RYR3: variants seen among roughly 807,000 people sequenced by gnomAD.
RYR3 encodes the protein brain ryanodine receptor-calcium release channel.
A neutral mutation model predicts 584.3 loss-of-function variants in RYR3; 207 were observed. That is an observed-to-expected ratio of 0.35 (90% CI 0.32 to 0.40). RYR3 has a LOEUF of 0.40. Among genes scored for constraint, RYR3 ranks in the 10% least tolerant of loss-of-function variants. The pLI is 1.00. For synonymous variants in RYR3, 2,416 were observed against 2,248.5 expected (o/e 1.07, Z -2.11); for missense variants, 5,616 against 6,089.2 (o/e 0.92, Z 2.59).
At chr15:33,652,048 A>G (rs1315422340) in intron 31 of RYR3, among the ~76,000 whole-genome samples, 3 of 152,160 alleles carry the variant, frequency 2.0e-5, no homozygotes, top group Non-Finnish European at 1.5e-5. Context: ...AAGTGTAAAT[A>G]CCTGTCATGG....
intron 1 of RYR3, among the ~76,000 whole-genome samples, chr15:33,358,746 T>C (rs1019757570): frequency 2.6e-5 from 4 of 151,974 alleles, no homozygotes; most frequent in Non-Finnish European, 5.9e-5. Context: ...GCCTTAGCGG[T>C]AGTTAAATTT....
chr15:33,407,167 A>G (rs1405063381), intron 1 of RYR3, among the ~76,000 whole-genome samples: 1 of 152,236 alleles, frequency 6.6e-6, no homozygotes, highest in African/African-American at 2.4e-5. Context: ...TAATCCATTC[A>G]TGAGGGCTTT....
intron 49 of RYR3, among the ~76,000 whole-genome samples, chr15:33,737,842 G>GA (rs1279915076): frequency 7.9e-5 from 12 of 152,118 alleles, no homozygotes; most frequent in African/African-American, 2.4e-4. Context: ...GGAGGACATG[G>GA]ATCACACCTG....
In RYR3 at chr15:33,864,131, G is replaced by A. The variant is rs180882042; in HGVS notation, c.14466-7G>A. 4.6e-5 allele frequency: 74 copies of A among 1,608,416 alleles called. No individual in the cohort carries two copies. The highest frequency in any genetic ancestry group is 3.5e-4 in the African/African-American group (26 of 74,942). On this transcript the variant is annotated splice_region_variant and splice_polypyrimidine_tract_variant and intron_variant, in intron 102 of 103. Coordinates refer to ENST00000634891, the MANE Select transcript of RYR3 (RefSeq NM_001036.6). ...GAGTATCTAATACTATCTTTTCCTC[G>A]TTCCAGGTTCTTTCTGATGTATTTG...
chr15:33,728,904 C>G lies in RYR3; in HGVS notation c.7081C>G (p.His2361Asp). The G allele has an allele frequency of 6.2e-7, 1 of 1,613,580 alleles. No homozygotes were observed. The highest frequency in any genetic ancestry group is 8.5e-7 in the Non-Finnish European group (1 of 1,179,724). ...TATGGCGGCCAATTTCTGCCCTGAC[C>G]ACAAGGCACCTATGGTGCTGTTCTT... ...PDMAANFCPD[H>D]KAPMVLFLDR... The change falls in exon 47 of 104, where the codon CAC becomes GAC. Residue 2361 changes from histidine to aspartate, a missense_variant. By Grantham distance (81) the His-to-Asp change is moderately conservative (BLOSUM62 -1). This residue lies in a region of RYR3 where 1,280 missense variants were observed against 1,426.2 expected (regional missense o/e 0.90). Transcript: ENST00000634891.
chr15:33,680,515 T>C (rs1307094149), intron 38 of RYR3, among the ~76,000 whole-genome samples: 4 of 152,144 alleles, frequency 2.6e-5, no homozygotes, highest in Non-Finnish European at 5.9e-5. Context: ...ATCCGTGCAC[T>C]ACAGTGTCCA....
In RYR3 at chr15:33,725,993, A is replaced by AAGC. The variant is rs1555427714; in HGVS notation, c.6913-392_6913-391insGCA. On this transcript the variant is annotated intron_variant, in intron 45 of 103. Transcript: ENST00000634891. Reference sequence around the variant, plus strand: ...CCCCCCCCCAAAAAAAAAAAAAAAAAAAAACAGAATTCTAGAGTCTGGCAT... The same window carrying AAGC: ...CCCCCCCCCAAAAAAAAAAAAAAAAAAGCAAAACAGAATTCTAGAGTCTGGCAT... Among the ~76,000 whole-genome samples the AAGC allele has an allele frequency of 2.5e-5, 2 of 79,034 alleles. 1 individual carries two copies. The highest frequency in any genetic ancestry group is 5.4e-5 in the Non-Finnish European group (2 of 36,704). 51.8% of individuals were successfully genotyped at this position (79,034 alleles called of 152,430 possible).
chr15:33,768,956 C>A (rs1331035754), intron 61 of RYR3, among the ~76,000 whole-genome samples, 156 bp from the exon 62 acceptor site: 1 of 152,140 alleles, frequency 6.6e-6, no homozygotes, highest in African/African-American at 2.4e-5. Context: ...CTGTGTCAGG[C>A]TAGAAATTAA....
intron 57 of RYR3, among the ~76,000 whole-genome samples, chr15:33,753,522 G>A (rs893978196): frequency 1.4e-4 from 22 of 152,168 alleles, no homozygotes; most frequent in African/African-American, 5.1e-4. Context: ...TGCTTGCTGA[G>A]TTCTTTGTCA....
chr15:33,336,025 C>G (rs1464984645), intron 1 of RYR3, among the ~76,000 whole-genome samples: 1 of 152,134 alleles, frequency 6.6e-6, no homozygotes, highest in African/African-American at 2.4e-5. Flanking sequence ...AAGCCAAATT[C>G]TGGTTATTTT....
chr15:33,745,380 G>A (rs1038531851), intron 52 of RYR3, among the ~76,000 whole-genome samples: 5 of 151,872 alleles, frequency 3.3e-5, no homozygotes, highest in African/African-American at 1.2e-4. Flanking sequence ...GATCACCCAG[G>A]AAGTATATGT....
chr15:33,392,143 T>A (rs1339260868), intron 1 of RYR3, among the ~76,000 whole-genome samples: 1 of 151,148 alleles, frequency 6.6e-6, no homozygotes, highest in Non-Finnish European at 1.5e-5. Context: ...AGTGTCCATC[T>A]TCTTAATTGT....
intron 23 of RYR3, among the ~76,000 whole-genome samples, chr15:33,632,739 A>G (rs2061330793): frequency 6.6e-6 from 1 of 152,186 alleles, no homozygotes; most frequent in African/African-American, 2.4e-5. Flanking sequence ...TCTTTGAAAT[A>G]CGTTACATAT....
At chr15:33,366,003 C>T (rs1179807640) in intron 1 of RYR3, among the ~76,000 whole-genome samples, 1 of 151,994 alleles carries the variant, frequency 6.6e-6, no homozygotes, top group East Asian at 1.9e-4. Flanking sequence ...AAGGTCTTTC[C>T]TAAAAGTGTT....
intron 42 of RYR3, among the ~76,000 whole-genome samples, chr15:33,705,736 C>T (rs73377337): frequency 0.11 from 17,397 of 152,196 alleles, 2,400 homozygotes; most frequent in African/African-American, 0.33. Flanking sequence ...ATCCCAACCT[C>T]AACATCTTGG....
chr15:33,810,694 G>T, intron 71 of RYR3, 45 bp downstream of exon 71: 1 of 1,610,202 alleles, frequency 6.2e-7, no homozygotes, highest in Non-Finnish European at 8.5e-7. Flanking sequence ...TCCACATGGT[G>T]CAGTGATAAG....
Position 33,588,089 on chromosome 15 carries a change from C to A in RYR3, c.1788+1973C>A, listed in dbSNP as rs867526731. On this transcript the variant is annotated intron_variant, in intron 16 of 103. Transcript: ENST00000634891. ...ACAAGAGCAACAACAGTAATGATAA[C>A]CAGCATTTATTTTGCACTTAACAAA... 3.3e-4 allele frequency among the ~76,000 whole-genome samples: 50 copies of A among 152,300 alleles called. 1 individual carries two copies. In the Middle Eastern group the frequency reaches 0.02, roughly 62 times the overall value.
chr15:33,786,857 A>T (rs2074758494), intron 66 of RYR3, among the ~76,000 whole-genome samples: 1 of 152,196 alleles, frequency 6.6e-6, no homozygotes, highest in Admixed American at 6.5e-5. Flanking sequence ...CTTCTGCAGG[A>T]CCAAGGAAGA....
At chr15:33,435,157 G>C (rs1176630985) in intron 1 of RYR3, among the ~76,000 whole-genome samples, 1 of 140,288 alleles carries the variant, frequency 7.1e-6, no homozygotes, top group Non-Finnish European at 1.5e-5. Flanking sequence ...GTGCAGGTTT[G>C]TTATTATAGG....
Sources: allele counts gnomAD v4.1 joint callset (sites outside exome capture counted in the v4.1 genomes callset), GRCh38; gene constraint gnomAD v4.1.1; regional missense constraint gnomAD v4.1.1; transcripts MANE v1.5; gene names NCBI Gene and HGNC (gene_info 2026-07-23, HGNC 2026-07-21).